The following NAALADL2 variants were observed in gnomAD, a reference collection of about 807,000 sequenced individuals.
The protein encoded by NAALADL2 is inactive N-acetylated-alpha-linked acidic dipeptidase-like protein 2.
NAALADL2 carries 76 observed loss-of-function variants against 87.2 expected under a neutral mutation model. The ratio of observed to expected loss-of-function variants is 0.87; its 90% CI spans 0.72 to 1.05. The LOEUF is 1.05. Ranked by LOEUF, NAALADL2 falls within the 50% of genes least tolerant of loss-of-function variation. NAALADL2 has a pLI of 0.00. For synonymous variants in NAALADL2, 354 were observed against 331.0 expected (o/e 1.07, Z -0.75); for missense variants, 1,089 against 945.8 (o/e 1.15, Z -1.99).
intron 2 of NAALADL2, among the ~76,000 whole-genome samples, chr3:174,697,921 C>A (rs1192399481): frequency 3.3e-5 from 5 of 151,900 alleles, no homozygotes; most frequent in African/African-American, 1.2e-4. Context: ...GAAACCCGGT[C>A]TCTACTAAAA....
At chr3:174,680,245 A>G (rs2108824006) in intron 2 of NAALADL2, among the ~76,000 whole-genome samples, 1 of 152,322 alleles carries the variant, frequency 6.6e-6, no homozygotes, top group African/African-American at 2.4e-5. Context: ...CCTTTAAGTT[A>G]ATTTTCACTT....
intron 5 of NAALADL2, among the ~76,000 whole-genome samples, chr3:175,384,767 TTTTTA>T (rs1768170889): frequency 1.3e-5 from 2 of 151,214 alleles, no homozygotes; most frequent in South Asian, 2.1e-4. Flanking sequence ...TATTTATTTA[TTTTTA>T]TTTTATTTTA....
At chr3:175,160,989 C>T (rs926980457) in intron 2 of NAALADL2, among the ~76,000 whole-genome samples, 6 of 151,600 alleles carry the variant, frequency 4.0e-5, no homozygotes, top group South Asian at 2.1e-4. Context: ...ATTCCTATTT[C>T]GGTGGGATAG....
intron 2 of NAALADL2, among the ~76,000 whole-genome samples, chr3:175,140,373 G>T (rs1467846790): frequency 6.6e-6 from 1 of 152,090 alleles, no homozygotes; most frequent in Non-Finnish European, 1.5e-5. Flanking sequence ...TCCTCAGAGA[G>T]CTTATAGTCT....
chr3:175,347,810 C>T (rs1020474292), intron 5 of NAALADL2, among the ~76,000 whole-genome samples: 7 of 152,032 alleles, frequency 4.6e-5, no homozygotes, highest in African/African-American at 1.4e-4. Context: ...CAGGTATACA[C>T]GTGCCATGGT....
chr3:174,848,013 T>C (rs1008736848), intron 3 of NAALADL2, among the ~76,000 whole-genome samples: 1 of 151,974 alleles, frequency 6.6e-6, no homozygotes, highest in Admixed American at 6.6e-5. Context: ...CTCTCTTTTT[T>C]TTTTTTTACT....
At position 174,787,584 on chromosome 3, in the gene NAALADL2, T is replaced by TATATATATATATATATAC. The variant is rs1716852332; in HGVS notation, c.-9+49855_-9+49856insCATATATATATATATATA. Among the ~76,000 whole-genome samples the TATATATATATATATATAC allele has an allele frequency of 4.4e-4, 26 of 59,162 alleles. 1 individual carries two copies. The highest frequency in any genetic ancestry group is 5.4e-4 in the East Asian group (1 of 1,862). The allele number at this position is 59,162 out of a possible 152,430, so 38.8% of individuals were successfully genotyped here. A position where few individuals can be genotyped will look rare whatever the true frequency, so the allele number is the denominator to read the frequency against. Reference sequence around the variant, plus strand: ...AGAAGGCAATATATCATCATATATATATATATATATATATATATATATATA... The same window carrying TATATATATATATATATAC: ...AGAAGGCAATATATCATCATATATATATATATATATATATATACATATATATATATATATATATATATA... On this transcript the variant is annotated intron_variant, in intron 3 of 3. Transcript: ENST00000434257.
intron 5 of NAALADL2, among the ~76,000 whole-genome samples, chr3:175,390,200 C>T (rs1768909368): frequency 6.6e-6 from 1 of 152,094 alleles, no homozygotes; most frequent in South Asian, 2.1e-4. Context: ...GTGCCTTCCA[C>T]TCCCCCACTC....
At chr3:174,838,751 C>T (rs940398435) in intron 3 of NAALADL2, among the ~76,000 whole-genome samples, 1 of 151,864 alleles carries the variant, frequency 6.6e-6, no homozygotes, top group African/African-American at 2.4e-5. Flanking sequence ...ACAATAGCTG[C>T]AAAAAATAAA....
In NAALADL2 at chr3:175,798,685, G is replaced by T. The variant is rs1753787260; in HGVS notation, c.2190-4320G>T. On this transcript the variant is annotated intron_variant, in intron 13 of 13. Transcript: ENST00000454872. ...AATCATTCTAATTTCTTGTGTTTTA[G>T]ACCTGAACATTTTTTTAGGATGTAT... Among the ~76,000 whole-genome samples the T allele has an allele frequency of 2.0e-5, 3 of 151,896 alleles. No individual in the cohort carries two copies. In the South Asian group the frequency reaches 6.2e-4, roughly 32 times the overall value.
intron 3 of NAALADL2, among the ~76,000 whole-genome samples, chr3:174,771,074 T>G (rs1227453826): frequency 6.6e-6 from 1 of 152,166 alleles, no homozygotes; most frequent in Non-Finnish European, 1.5e-5. Flanking sequence ...ACTGAATTTC[T>G]TCGATGTTCA....
intron 2 of NAALADL2, among the ~76,000 whole-genome samples, chr3:174,728,009 T>C (rs1294136801): frequency 2.0e-5 from 3 of 152,136 alleles, no homozygotes; most frequent in East Asian, 1.9e-4. Context: ...CACTTACTAA[T>C]ATGTACTTAA....
chr3:175,780,275 C>CAA (rs541348455), intron 13 of NAALADL2, among the ~76,000 whole-genome samples: 2 of 126,262 alleles, frequency 1.6e-5, no homozygotes, highest in Non-Finnish European at 1.7e-5. Context: ...GACTCTGTCT[C>CAA]AAAAAAAAAA....
chr3:175,226,097 A>C (rs1431143134), intron 2 of NAALADL2, among the ~76,000 whole-genome samples: 1 of 152,158 alleles, frequency 6.6e-6, no homozygotes, highest in African/African-American at 2.4e-5. Flanking sequence ...CTGGGACTTA[A>C]GTAGAGGGCA....
At chr3:175,328,171 C>T (rs938925837) in intron 5 of NAALADL2, among the ~76,000 whole-genome samples, 1 of 152,094 alleles carries the variant, frequency 6.6e-6, no homozygotes, top group Non-Finnish European at 1.5e-5. Context: ...GATCATGGCA[C>T]CAGTCCTGAA....
intron 10 of NAALADL2, among the ~76,000 whole-genome samples, chr3:175,610,125 C>G (rs980324333): frequency 2.0e-5 from 3 of 152,070 alleles, no homozygotes; most frequent in Non-Finnish European, 4.4e-5. Flanking sequence ...TCACTCTTAT[C>G]CATTTACACA....
At chr3:175,000,406 C>T (rs1422385966) in intron 1 of NAALADL2, among the ~76,000 whole-genome samples, 1 of 152,122 alleles carries the variant, frequency 6.6e-6, no homozygotes, top group Non-Finnish European at 1.5e-5. Context: ...ATATTTTCAA[C>T]TTTGCTGGGC....
intron 5 of NAALADL2, among the ~76,000 whole-genome samples, chr3:175,331,585 AAGT>A (rs1761403444): frequency 6.6e-6 from 1 of 152,186 alleles, no homozygotes; most frequent in Admixed American, 6.5e-5. Flanking sequence ...ATTCTGAACA[AAGT>A]AGGATGAAAA....
At chr3:175,105,146 A>G (rs899730412) in intron 2 of NAALADL2, among the ~76,000 whole-genome samples, 2 of 152,120 alleles carry the variant, frequency 1.3e-5, no homozygotes, top group African/African-American at 4.8e-5. Context: ...CCACTCCTTC[A>G]TGGAAATCTC....
Sources: allele counts gnomAD v4.1 joint callset (sites outside exome capture counted in the v4.1 genomes callset), GRCh38; gene constraint gnomAD v4.1.1; transcripts MANE v1.5; gene names NCBI Gene and HGNC (gene_info 2026-07-23, HGNC 2026-07-21).